TMEM74: variants seen among roughly 807,000 people sequenced by gnomAD.
TMEM74 encodes the protein transmembrane protein 74.
TMEM74 carries 13 observed loss-of-function variants against 18.1 expected under a neutral mutation model. The observed-to-expected ratio is 0.72, with a 90% CI of 0.47 to 1.14. TMEM74 has a LOEUF of 1.14. Among genes scored for constraint, TMEM74 ranks in the 50% most tolerant of loss-of-function variants. The pLI is 0.00. For synonymous variants in TMEM74, 159 were observed against 146.6 expected (o/e 1.08, Z -0.61); for missense variants, 372 against 375.9 (o/e 0.99, Z 0.09).
Position 108,667,575 on chromosome 8 carries a change from T to C in TMEM74, n.120-12138A>G, listed in dbSNP as rs550218568. 4.6e-5 allele frequency among the ~76,000 whole-genome samples: 7 copies of C among 152,274 alleles called. No homozygotes were observed. In the East Asian group the frequency reaches 1.3e-3, roughly 29 times the overall value. ...TTATTAGTTGGGTAGTAGGAACTAC[T>C]TACTGACTTCAGGATTTTCCATGAT... On this transcript the variant is annotated intron_variant and non_coding_transcript_variant, in intron 1 of 3. Transcript: ENST00000518838.
At chr8:108,618,701 T>C (rs1812410342) in intron 2 of TMEM74, among the ~76,000 whole-genome samples, 1 of 152,170 alleles carries the variant, frequency 6.6e-6, no homozygotes, top group African/African-American at 2.4e-5. Flanking sequence ...AGAAAATGAA[T>C]TGAAATGCCA....
intron 1 of TMEM74, among the ~76,000 whole-genome samples, chr8:108,765,365 T>C (rs918022647): frequency 6.7e-6 from 1 of 149,982 alleles, no homozygotes; most frequent in African/African-American, 2.4e-5. Context: ...GGGGACCCCA[T>C]AGGCAACACA....
intron 1 of TMEM74, among the ~76,000 whole-genome samples, chr8:108,699,792 T>G (rs561333137): frequency 8.5e-5 from 13 of 152,212 alleles, no homozygotes; most frequent in Non-Finnish European, 1.5e-4. Context: ...TTATCTATAC[T>G]AGAACATTGC....
intron 2 of TMEM74, among the ~76,000 whole-genome samples, chr8:108,632,318 C>T (rs923230927): frequency 5.3e-5 from 8 of 151,906 alleles, no homozygotes; most frequent in Admixed American, 1.3e-4. Context: ...CACTGTGGTG[C>T]ATACTTAAAA....
rs537288725 is a variant in TMEM74 at position 108,622,527 on chromosome 8, T to C, written n.265-13701A>G. On this transcript the variant is annotated intron_variant and non_coding_transcript_variant, in intron 2 of 3. Coordinates refer to the TMEM74 transcript ENST00000518838. ...CTGTATACTTAGGGTGGCTTTAGAATTGAAGCTTGTGTTGAGTTCCTGCTC... is the reference window on the plus strand; with the variant it reads ...CTGTATACTTAGGGTGGCTTTAGAACTGAAGCTTGTGTTGAGTTCCTGCTC... Among the ~76,000 whole-genome samples the C allele has an allele frequency of 2.6e-5, 4 of 152,244 alleles. No individual in the cohort carries two copies. The East Asian group carries it at 7.7e-4, about 29-fold the overall frequency.
chr8:108,658,802 A>T (rs74337255), intron 1 of TMEM74, among the ~76,000 whole-genome samples: 2,751 of 152,312 alleles, frequency 0.018, 96 homozygotes, highest in African/African-American at 0.063. Flanking sequence ...GAATACAAAG[A>T]TTAGAAAAAC....
intron 2 of TMEM74, among the ~76,000 whole-genome samples, chr8:108,648,580 A>T (rs1812743556): frequency 6.6e-6 from 1 of 152,142 alleles, no homozygotes; most frequent in South Asian, 2.1e-4. Context: ...TATTATAATC[A>T]CAAGGGAGAC....
chr8:108,744,425 T>A (rs1269287495), intron 1 of TMEM74, among the ~76,000 whole-genome samples: 1 of 152,198 alleles, frequency 6.6e-6, no homozygotes, highest in Non-Finnish European at 1.5e-5. Flanking sequence ...GTGGCTGTTT[T>A]TACTAAGAGA....
At chr8:108,713,640 A>G (rs530010717) in intron 1 of TMEM74, among the ~76,000 whole-genome samples, 7 of 152,340 alleles carry the variant, frequency 4.6e-5, no homozygotes, top group African/African-American at 1.7e-4. Context: ...GGGTGCTATT[A>G]AGGGCATACA....
chr8:108,648,743 A>T (rs2130569088), intron 2 of TMEM74, among the ~76,000 whole-genome samples: 1 of 152,196 alleles, frequency 6.6e-6, no homozygotes, highest in African/African-American at 2.4e-5. Flanking sequence ...GAAGGCAAGG[A>T]AGTAGATTCC....
intron 2 of TMEM74, among the ~76,000 whole-genome samples, chr8:108,644,685 G>A (rs1050060063): frequency 3.9e-5 from 6 of 152,070 alleles, no homozygotes; most frequent in East Asian, 1.9e-4. Context: ...TAAAACGTGC[G>A]CAGAGAACAT....
intron 2 of TMEM74, among the ~76,000 whole-genome samples, chr8:108,643,849 G>A (rs925927378): frequency 2.6e-5 from 4 of 151,746 alleles, no homozygotes; most frequent in Admixed American, 6.6e-5. Context: ...AGAAATCAGA[G>A]ATGACATAAA....
At chr8:108,708,367 GT>G (rs2130621175) in intron 1 of TMEM74, among the ~76,000 whole-genome samples, 1 of 151,444 alleles carries the variant, frequency 6.6e-6, no homozygotes, top group Non-Finnish European at 1.5e-5. Flanking sequence ...TGTCTTTATG[GT>G]TAAACAATTT....
At chr8:108,645,648 G>T (rs779790737) in intron 2 of TMEM74, among the ~76,000 whole-genome samples, 1 of 152,060 alleles carries the variant, frequency 6.6e-6, no homozygotes, top group African/African-American at 2.4e-5. Context: ...AAAGGAAAAT[G>T]GTTCTGGGTC....
intron 1 of TMEM74, among the ~76,000 whole-genome samples, chr8:108,750,815 G>A (rs1416448334): frequency 6.6e-6 from 1 of 152,122 alleles, no homozygotes; most frequent in Non-Finnish European, 1.5e-5. Flanking sequence ...GAAGGGGGCT[G>A]CCTATAAAGT....
At chr8:108,607,011 T>C (rs1047831901) in exon 4 of TMEM74, 1 of 152,276 alleles carries the variant, frequency 6.6e-6, no homozygotes, top group Non-Finnish European at 1.5e-5. Flanking sequence ...GGTGCTATGG[T>C]TTTCCTTGGC....
Position 108,784,191 on chromosome 8 carries a change from A to G in TMEM74, c.908T>C (p.Val303Ala), listed in dbSNP as rs1814344644. 6.2e-7 allele frequency: 1 copy of G among 1,607,406 alleles called. No individual in the cohort carries two copies. The highest frequency in any genetic ancestry group is 8.5e-7 in the Non-Finnish European group (1 of 1,175,752). ...TATTCACAACCAGAATTAACTCTGTACAGCAAGCGCATCTTCCTCTACCAA... is the reference window on the plus strand; with the variant it reads ...TATTCACAACCAGAATTAACTCTGTGCAGCAAGCGCATCTTCCTCTACCAA... Reference protein sequence around the residue: ...LSLVEEDALAVQS With the variant: ...LSLVEEDALAAQS The change falls in exon 2 of 2, where the codon GTA becomes GCA. Residue 303 changes from valine to alanine, a missense_variant. Physicochemically the swap from Val to Ala is moderately conservative, Grantham distance 64 (BLOSUM62 0). Transcript: ENST00000297459.
rs1814350343 is a variant in TMEM74 at position 108,784,449 on chromosome 8, A to T, written c.650T>A (p.Leu217Gln). Residue 217 changes from leucine to glutamine, a missense_variant, in exon 2 of 2, where the codon CTG becomes CAG. By Grantham distance (113) the Leu-to-Gln change is moderately radical. Transcript: ENST00000297459. ...CCCCAGCCTCGCACTCTCCTTCTCCAGGCGCTCCATCTCCCGGGCTGCCAC... is the reference window on the plus strand; with the variant it reads ...CCCCAGCCTCGCACTCTCCTTCTCCTGGCGCTCCATCTCCCGGGCTGCCAC... ...NTVAAREMER[L>Q]EKESARLGAH... is the part of the protein sequence containing the mutation. The T allele has an allele frequency of 1.2e-6, 2 of 1,614,036 alleles. No individual in the cohort carries two copies. Among genetic ancestry groups the T allele is most frequent in the Non-Finnish European group, 1.7e-6 (2 of 1,180,034 alleles).
At chr8:108,702,113 G>A (rs1029771305) in intron 1 of TMEM74, among the ~76,000 whole-genome samples, 1 of 151,978 alleles carries the variant, frequency 6.6e-6, no homozygotes, top group Non-Finnish European at 1.5e-5. Flanking sequence ...GGGAGGATGA[G>A]GTGGGCGGAT....
Sources: gnomAD v4.1 joint callset for allele counts (sites outside exome capture counted in the v4.1 genomes callset) on GRCh38, gnomAD v4.1.1 for gene constraint, MANE v1.5 for transcripts, NCBI Gene and HGNC (gene_info 2026-07-23, HGNC 2026-07-21) for gene names.